Variants in PDE4D observed in about 807,000 individuals in gnomAD.
PDE4D encodes phosphodiesterase 4D, also known as 3',5'-cyclic-AMP phosphodiesterase 4D.
In PDE4D, 24 loss-of-function variants were observed where a neutral mutation model predicts 87.4. The ratio of observed to expected loss-of-function variants is 0.27; its 90% CI spans 0.20 to 0.39. The LOEUF (loss-of-function observed/expected upper bound fraction) is 0.39. Among genes scored for constraint, PDE4D ranks in the 10% least tolerant of loss-of-function variants. PDE4D has a pLI of 1.00. For synonymous variants in PDE4D, 384 were observed against 383.2 expected (o/e 1.00, Z -0.02); for missense variants, 714 against 1,041.0 (o/e 0.69, Z 4.32).
intron 1 of PDE4D, among the ~76,000 whole-genome samples, chr5:60,342,050 G>A (rs890610261): frequency 4.6e-5 from 7 of 152,172 alleles, no homozygotes; most frequent in Non-Finnish European, 8.8e-5. Flanking sequence ...AGTAAAGGAC[G>A]AATGTCATTT....
intron 5 of PDE4D, among the ~76,000 whole-genome samples, chr5:59,118,936 G>A (rs1774048379): frequency 6.6e-6 from 1 of 152,150 alleles, no homozygotes; most frequent in East Asian, 1.9e-4. Flanking sequence ...TAAAAGTAAA[G>A]TAAGGCATGA....
At position 59,771,790 on chromosome 5, in the gene PDE4D, A is replaced by G. The variant is rs374043009; in HGVS notation, c.455+121378T>C. Reference sequence around the variant, plus strand: ...ATATTCTATTCAAAATGCATTGATCATTATGGTTAAACATGGACAAAAGCA... The same window carrying G: ...ATATTCTATTCAAAATGCATTGATCGTTATGGTTAAACATGGACAAAAGCA... On this transcript the variant is annotated intron_variant, in intron 1 of 14. Transcript: ENST00000340635. Among the ~76,000 whole-genome samples the G allele has an allele frequency of 1.5e-4, 23 of 152,340 alleles. No homozygotes were observed. In the East Asian group the frequency reaches 4.4e-3, roughly 29 times the overall value.
intron 1 of PDE4D, among the ~76,000 whole-genome samples, chr5:60,295,003 T>C (rs1239692808): frequency 1.3e-5 from 2 of 152,224 alleles, no homozygotes; most frequent in East Asian, 1.9e-4. Context: ...GAGCAAAGTA[T>C]ATCTCTCCAT....
intron 2 of PDE4D, among the ~76,000 whole-genome samples, chr5:60,143,651 A>ATG (rs920912724): frequency 2.4e-5 from 2 of 82,654 alleles, no homozygotes; most frequent in South Asian, 4.3e-4. Flanking sequence ...GTGTGTGTGT[A>ATG]TGTGTGTGTG....
At chr5:59,958,878 A>G (rs1759154292) in intron 3 of PDE4D, among the ~76,000 whole-genome samples, 2 of 152,228 alleles carry the variant, frequency 1.3e-5, no homozygotes, top group South Asian at 4.1e-4. Context: ...AAGGCACCCA[A>G]ATAGGAAAAG....
At chr5:60,294,858 A>G (rs1753230129) in intron 1 of PDE4D, among the ~76,000 whole-genome samples, 1 of 152,172 alleles carries the variant, frequency 6.6e-6, no homozygotes, top group Admixed American at 6.5e-5. Context: ...TTACTCTCCC[A>G]TATAAATTTT....
intron 1 of PDE4D, chr5:60,304,025 C>T (rs1005966868): frequency 6.6e-5 from 10 of 152,226 alleles, no homozygotes; most frequent in South Asian, 4.1e-4. Flanking sequence ...CTTGTTGAAT[C>T]GAACCCTTTA....
chr5:59,930,775 A>AT (rs1327861521), intron 3 of PDE4D, among the ~76,000 whole-genome samples: 1 of 152,182 alleles, frequency 6.6e-6, no homozygotes, highest in East Asian at 1.9e-4. Flanking sequence ...AGAAGCAGGA[A>AT]TTTTTTATTT....
intron 1 of PDE4D, among the ~76,000 whole-genome samples, chr5:59,564,452 G>A (rs1237184781): frequency 2.0e-5 from 3 of 152,116 alleles, no homozygotes; most frequent in Non-Finnish European, 2.9e-5. Context: ...GTTGCCATGT[G>A]GTCCTTCCAG....
chr5:60,440,643 T>C (rs892846230), intron 1 of PDE4D, among the ~76,000 whole-genome samples: 1 of 152,196 alleles, frequency 6.6e-6, no homozygotes, highest in East Asian at 1.9e-4. Context: ...TGCATATATA[T>C]TGAAAAATGC....
chr5:60,454,794 C>T (rs1746347163), intron 1 of PDE4D, among the ~76,000 whole-genome samples: 1 of 151,950 alleles, frequency 6.6e-6, no homozygotes, highest in African/African-American at 2.4e-5. Flanking sequence ...ACATGTATCC[C>T]AGAACTTAAA....
At chr5:60,378,101 C>A (rs1761566104) in intron 1 of PDE4D, among the ~76,000 whole-genome samples, 1 of 152,144 alleles carries the variant, frequency 6.6e-6, no homozygotes, top group Non-Finnish European at 1.5e-5. Flanking sequence ...TTAGAGCAAT[C>A]TTGGAGCGCA....
chr5:59,235,744 A>G (rs1756272134), intron 1 of PDE4D, among the ~76,000 whole-genome samples: 1 of 152,308 alleles, frequency 6.6e-6, no homozygotes, highest in South Asian at 2.1e-4. Flanking sequence ...ATGTGCTTAC[A>G]TGTCTGTAAA....
intron 1 of PDE4D, among the ~76,000 whole-genome samples, chr5:59,394,123 T>TA (rs371549219): frequency 0.01 from 1,322 of 129,140 alleles, 24 homozygotes; most frequent in African/African-American, 0.038. Flanking sequence ...CTGTGTCGTT[T>TA]GAGCAGTCCA....
intron 1 of PDE4D, among the ~76,000 whole-genome samples, chr5:60,430,521 T>A (rs938647147): frequency 1.5e-5 from 2 of 137,258 alleles, no homozygotes; most frequent in Non-Finnish European, 3.1e-5. Flanking sequence ...ACCTTTCTTT[T>A]TTGTTTGTGT....
At chr5:59,268,193 G>A (rs2153539456) in intron 1 of PDE4D, among the ~76,000 whole-genome samples, 1 of 152,102 alleles carries the variant, frequency 6.6e-6, no homozygotes, top group South Asian at 2.1e-4. Context: ...CGCATCCTCA[G>A]CCATCACCCA....
At chr5:59,570,651 A>C (rs1821682743) in intron 1 of PDE4D, among the ~76,000 whole-genome samples, 1 of 152,138 alleles carries the variant, frequency 6.6e-6, no homozygotes, top group South Asian at 2.1e-4. Context: ...ATATGCAAAA[A>C]AAAAAAAATT....
At chr5:59,165,643 C>T (rs1362864561) in intron 5 of PDE4D, among the ~76,000 whole-genome samples, 3 of 152,158 alleles carry the variant, frequency 2.0e-5, no homozygotes, top group African/African-American at 7.2e-5. Context: ...ATTGTGCTTA[C>T]TTCAAAAGTG....
chr5:59,481,391 G>A (rs566557009), intron 1 of PDE4D, among the ~76,000 whole-genome samples: 44 of 151,188 alleles, frequency 2.9e-4, no homozygotes, highest in Non-Finnish European at 4.6e-4. Flanking sequence ...AAAAAAGTTC[G>A]AGTCAAGAAG....
Sources: gnomAD v4.1 joint callset for allele counts (sites outside exome capture counted in the v4.1 genomes callset) on GRCh38, gnomAD v4.1.1 for gene constraint, MANE v1.5 for transcripts, NCBI Gene and HGNC (gene_info 2026-07-23, HGNC 2026-07-21) for gene names.